RNF126: variants seen among roughly 807,000 people sequenced by gnomAD.
RNF126 encodes ring finger protein 126, also known as E3 ubiquitin-protein ligase RNF126.
Under a neutral mutation model 41.9 loss-of-function variants are expected in RNF126, and 20 were observed. That is an observed-to-expected ratio of 0.48 (90% CI 0.34 to 0.69). RNF126 has a LOEUF of 0.69. Among genes scored for constraint, RNF126 ranks in the 30% least tolerant of loss-of-function variants. RNF126 has a pLI of 0.01. For synonymous variants in RNF126, 239 were observed against 202.9 expected (o/e 1.18, Z -1.51); for missense variants, 433 against 460.6 (o/e 0.94, Z 0.55).
chr19:648,161 C>T lies in RNF126; in HGVS notation c.903G>A (p.Ser301=), dbSNP rs912298709. 5.0e-6 allele frequency: 8 copies of T among 1,601,226 alleles called. No homozygotes were observed. Among genetic ancestry groups the T allele is most frequent in the East Asian group, 4.5e-5 (2 of 44,592 alleles). ...SSSSSSSSSS[S]PSNENATSNS ...TGCTTGTGGCGTTCTCGTTGCTGGG[C>T]GAGCTGGAGGAGGACGATGACGACG... The change falls in exon 9 of 9, where the codon TCG becomes TCA. Residue 301 remains serine (S), a synonymous_variant. Transcript: ENST00000292363.
chr19:654,882 G>A (rs1034994957), intron 1 of RNF126, among the ~76,000 whole-genome samples: 2 of 151,660 alleles, frequency 1.3e-5, no homozygotes, highest in African/African-American at 4.8e-5. Flanking sequence ...CAGGAGAATC[G>A]CTTGAACCTA....
At chr19:662,180 C>T (rs1035275372) in intron 1 of RNF126, among the ~76,000 whole-genome samples, 7 of 152,276 alleles carry the variant, frequency 4.6e-5, no homozygotes, top group African/African-American at 1.7e-4. Context: ...ATGCAGACTG[C>T]TGAGCGCATT....
chr19:652,944 C>A (rs776048742), intron 1 of RNF126, 60 bp from the exon 2 acceptor site: 3 of 1,515,978 alleles, frequency 2.0e-6, no homozygotes, highest in Admixed American at 1.8e-5. Context: ...CAAACCCCCC[C>A]AAGTGTGAGG....
Position 648,158 on chromosome 19 carries a change from G to A in RNF126, c.906C>T (p.Pro302=), listed in dbSNP as rs1428345721. 1.2e-6 allele frequency: 2 copies of A among 1,601,718 alleles called. No homozygotes were observed. The highest frequency in any genetic ancestry group is 1.7e-6 in the Non-Finnish European group (2 of 1,172,150). The change falls in exon 9 of 9, where the codon CCC becomes CCT. Residue 302 remains proline, a synonymous_variant. Coordinates refer to ENST00000292363, the MANE Select transcript of RNF126 (RefSeq NM_194460.3). ...AGTTGCTTGTGGCGTTCTCGTTGCTGGGCGAGCTGGAGGAGGACGATGACG... is the reference window on the plus strand; with the variant it reads ...AGTTGCTTGTGGCGTTCTCGTTGCTAGGCGAGCTGGAGGAGGACGATGACG... ...SSSSSSSSSS[P]SNENATSNS
rs376871619 is a variant in RNF126, at chr19:650,214, A to G, written c.506+20T>C. ...AGGGACCCAGGCTGGGGATGGGGAC[A>G]GGCACCCCCACCCACTCACCAGGGG... On this transcript the variant is annotated intron_variant, in intron 5 of 8. Coordinates refer to ENST00000292363, the MANE Select transcript of RNF126 (RefSeq NM_194460.3). 4.5e-6 allele frequency: 7 copies of G among 1,557,706 alleles called. No individual in the cohort carries two copies. In the African/African-American group the frequency reaches 6.8e-5, roughly 15 times the overall value.
At position 647,712 on chromosome 19, in the gene RNF126, G is replaced by A; in HGVS notation, c.*416C>T. The A allele has an allele frequency of 4.2e-6, 1 of 235,692 alleles. No homozygotes were observed. The highest frequency in any genetic ancestry group is 8.6e-6 in the Non-Finnish European group (1 of 116,294). The allele number at this position is 235,692 out of a possible 1,614,324, so 14.6% of individuals were successfully genotyped here. A position where few individuals can be genotyped will look rare whatever the true frequency, so the allele number is the denominator to read the frequency against. On this transcript the variant is annotated 3_prime_UTR_variant, in exon 9 of 9. Coordinates refer to ENST00000292363, the MANE Select transcript of RNF126 (RefSeq NM_194460.3). ...GGGGCCCACGTGGCCCGTCCTGGCG[G>A]CACCTGCAGCACTGGGGGAGCCGCT...
At chr19:658,739 C>T (rs1355692556) in intron 1 of RNF126, among the ~76,000 whole-genome samples, 1 of 152,226 alleles carries the variant, frequency 6.6e-6, no homozygotes, top group Non-Finnish European at 1.5e-5. Context: ...GGCTGGGGCC[C>T]CGCCTCACAC....
intron 1 of RNF126, among the ~76,000 whole-genome samples, chr19:653,984 C>T (rs770505436): frequency 6.6e-6 from 1 of 152,036 alleles, no homozygotes; most frequent in Non-Finnish European, 1.5e-5. Context: ...GCAGGTTGCA[C>T]CGGGGCTGTT....
In RNF126 at chr19:659,054, G is replaced by C. The variant is rs1308189369; in HGVS notation, c.75+3993C>G. Reference sequence around the variant, plus strand: ...ACAACGCCAGGCTCCATGTTCACAGGGTGCTGCAGGGAGCCCGTTCCGGAG... The same window carrying C: ...ACAACGCCAGGCTCCATGTTCACAGCGTGCTGCAGGGAGCCCGTTCCGGAG... On this transcript the variant is annotated intron_variant, in intron 1 of 8. Transcript: ENST00000292363. The surrounding 1 kb of genome is among the most constrained non-coding windows in gnomAD (Gnocchi z 4.9). Among the ~76,000 whole-genome samples, 1 of 152,196 alleles carries C rather than the reference G, an allele frequency of 6.6e-6. No individual in the cohort carries two copies. Among genetic ancestry groups the C allele is most frequent in the Non-Finnish European group, 1.5e-5 (1 of 68,024 alleles).
intron 1 of RNF126, among the ~76,000 whole-genome samples, chr19:653,674 G>T (rs1389422003): frequency 6.6e-6 from 1 of 152,200 alleles, no homozygotes; most frequent in Admixed American, 6.5e-5. Flanking sequence ...GCTGAAACGT[G>T]CATGGTGCCT....
At chr19:658,173 G>T (rs2030640028) in intron 1 of RNF126, among the ~76,000 whole-genome samples, 1 of 152,148 alleles carries the variant, frequency 6.6e-6, no homozygotes, top group Admixed American at 6.5e-5. Context: ...GGGTAGGGGG[G>T]ACCCTGCCAG....
Position 657,774 on chromosome 19 carries a change from G to A in RNF126, c.76-4890C>T, listed in dbSNP as rs117066118. Among the ~76,000 whole-genome samples, 783 of 152,326 alleles carry A rather than the reference G, an allele frequency of 5.1e-3. 2 individuals carry two copies. The highest frequency in any genetic ancestry group is 0.014 in the Middle Eastern group (4 of 294). ...AGCCCCTCCAGGGCCACCGAAGGCC[G>A]GAACCGAGGCTCTGGTCACGAAGGC... On this transcript the variant is annotated intron_variant, in intron 1 of 8. Coordinates refer to ENST00000292363, the MANE Select transcript of RNF126 (RefSeq NM_194460.3).
intron 3 of RNF126, 38 bp from the exon 4 acceptor site, chr19:651,893 G>T (rs1470115261): frequency 1.3e-6 from 2 of 1,575,562 alleles, no homozygotes; most frequent in Non-Finnish European, 1.7e-6. Flanking sequence ...GGGGGCTCAG[G>T]CCCGTGCAGT....
At chr19:660,127 C>A (rs918117513) in intron 1 of RNF126, among the ~76,000 whole-genome samples, 1 of 152,230 alleles carries the variant, frequency 6.6e-6, no homozygotes, top group African/African-American at 2.4e-5. Context: ...AGCCCCCGAC[C>A]GCAAGTGTGG....
Position 663,139 on chromosome 19 carries a change from C to T in RNF126, c.-18G>A, listed in dbSNP as rs2030884771. ...TCGGCCATGGCCGCCGCCACCTACT[C>T]CGCGCCGCCCGCCCCCCGCGCGGCA... is the stretch of plus-strand genomic sequence containing the variant. On this transcript the variant is annotated 5_prime_UTR_variant, in exon 1 of 9. Coordinates refer to ENST00000292363, the MANE Select transcript of RNF126 (RefSeq NM_194460.3). The T allele has an allele frequency of 8.4e-7, 1 of 1,185,116 alleles. No individual in the cohort carries two copies. The highest frequency in any genetic ancestry group is 3.3e-5 in the South Asian group (1 of 30,012). The allele number at this position is 1,185,116 out of a possible 1,614,324, so 73.4% of individuals were successfully genotyped here. A position where few individuals can be genotyped will look rare whatever the true frequency, so the allele number is the denominator to read the frequency against.
At chr19:652,619 G>C (rs2030367470) in intron 2 of RNF126, 2 of 613,912 alleles carry the variant, frequency 3.3e-6, no homozygotes, top group African/African-American at 1.8e-5. Flanking sequence ...TGCACAGGTT[G>C]CCGGCACTCC....
chr19:655,789 G>A (rs2030538526), intron 1 of RNF126, among the ~76,000 whole-genome samples: 2 of 152,208 alleles, frequency 1.3e-5, no homozygotes, highest in African/African-American at 4.8e-5. Flanking sequence ...GTTCATCATC[G>A]TCGTCGGCAG....
rs10401924 is a variant in RNF126, at chr19:659,623, C to T, written c.75+3424G>A. On this transcript the variant is annotated intron_variant, in intron 1 of 8. Transcript: ENST00000292363. The surrounding 1 kb of genome is among the most constrained non-coding windows in gnomAD (Gnocchi z 4.9). ...CCTACAGTCACAGCTCCAGTCAGTG[C>T]CTCCTCAGCAGGCTCGAGTCTGGGT... 0.025 allele frequency among the ~76,000 whole-genome samples: 3,830 copies of T among 152,254 alleles called. 176 individuals are homozygous for T. The highest frequency in any genetic ancestry group is 0.088 in the African/African-American group (3,648 of 41,528).
At chr19:658,609 G>A (rs540909995) in intron 1 of RNF126, among the ~76,000 whole-genome samples, 57 of 152,232 alleles carry the variant, frequency 3.7e-4, no homozygotes, top group East Asian at 1.2e-3. Context: ...CTTTCTTCCC[G>A]CCCTCAGCAG....
Sources: gnomAD v4.1 joint callset for allele counts (sites outside exome capture counted in the v4.1 genomes callset) on GRCh38, gnomAD v4.1.1 for gene constraint, Gnocchi (gnomAD v3.1) non-coding constraint, MANE v1.5 for transcripts, NCBI Gene and HGNC (gene_info 2026-07-23, HGNC 2026-07-21) for gene names.